NFIB: variants seen among roughly 807,000 people sequenced by gnomAD.
NFIB encodes nuclear factor I B, also known as nuclear factor 1 B-type.
Under a neutral mutation model 61.5 loss-of-function variants are expected in NFIB, and 11 were observed. The observed-to-expected ratio is 0.18, with a 90% CI of 0.11 to 0.30. NFIB has a LOEUF of 0.30. NFIB is among the 10% of genes least tolerant of loss of function. The pLI is 1.00. For missense variants in NFIB, 471 were observed against 608.9 expected, an observed-to-expected ratio of 0.77 and a Z score of 2.38; for synonymous variants, 260 against 216.5, an observed-to-expected ratio of 1.20 and a Z score of -1.76.
At chr9:14,473,461 T>C in the NFIB span, among the ~76,000 whole-genome samples, 2 of 152,248 alleles carry the variant, frequency 1.3e-5, no homozygotes, top group South Asian at 2.1e-4. Flanking sequence ...TTTGCAGATG[T>C]TGGTACTGTT....
intron 2 of NFIB, among the ~76,000 whole-genome samples, chr9:14,228,676 A>C (rs11788974): frequency 0.22 from 32,911 of 152,130 alleles, 4,387 homozygotes; most frequent in African/African-American, 0.37. Context: ...AAAATATTCT[A>C]ATGAAAAAGC....
intron 6 of NFIB, among the ~76,000 whole-genome samples, chr9:14,134,897 C>CA (rs57014530): frequency 0.027 from 1,686 of 62,346 alleles, 16 homozygotes; most frequent in Non-Finnish European, 0.035. Context: ...GACTCTGTCT[C>CA]AAAAAAAAAA....
chr9:14,398,428 G>C, intron 1 of NFIB: 1 of 860,088 alleles, frequency 1.2e-6, no homozygotes, highest in Non-Finnish European at 1.8e-6. Context: ...CTCTAGAGCA[G>C]CCATATTTTC....
intron 3 of NFIB, among the ~76,000 whole-genome samples, chr9:14,164,899 G>A (rs1563853415): frequency 6.6e-6 from 1 of 152,200 alleles, no homozygotes; most frequent in East Asian, 1.9e-4. Flanking sequence ...TCCCCCAAGT[G>A]ATTCAAATGT....
At chr9:14,379,589 T>G (rs1397204746) in intron 1 of NFIB, among the ~76,000 whole-genome samples, 3 of 152,354 alleles carry the variant, frequency 2.0e-5, no homozygotes, top group Admixed American at 1.3e-4. Flanking sequence ...ATCGTCACTT[T>G]GGCTCTGCAT....
At chr9:14,497,327 AAT>A in the NFIB span, among the ~76,000 whole-genome samples, 1 of 152,190 alleles carries the variant, frequency 6.6e-6, no homozygotes, top group African/African-American at 2.4e-5. Context: ...CATATGTGTA[AAT>A]AAAAGTTATT....
intron 2 of NFIB, among the ~76,000 whole-genome samples, chr9:14,237,693 T>C (rs1016147106): frequency 2.2e-4 from 34 of 152,176 alleles, no homozygotes; most frequent in African/African-American, 7.2e-4. Context: ...CTCTTGCCGA[T>C]CTACATTGTT....
chr9:14,088,154 T>TAA lies in NFIB; in HGVS notation c.*153_*154dup. ...CTTCCTCTTTTCCTTTTTTTTTATT[T>TAA]AAAAAAAAAATTTCTTAAACTATTG... On this transcript the variant is annotated 3_prime_UTR_variant, in exon 11 of 11. Coordinates refer to ENST00000380953, the MANE Select transcript of NFIB (RefSeq NM_001190737.2). The TAA allele has an allele frequency of 7.5e-7, 1 of 1,338,346 alleles. No homozygotes were observed. The highest frequency in any genetic ancestry group is 9.9e-7 in the Non-Finnish European group (1 of 1,015,162). 82.9% of individuals were successfully genotyped at this position (1,338,346 alleles called of 1,614,324 possible). A position where few individuals can be genotyped will look rare whatever the true frequency, so the allele number is the denominator to read the frequency against.
At chr9:14,429,522 A>C in the NFIB span, among the ~76,000 whole-genome samples, 1 of 152,234 alleles carries the variant, frequency 6.6e-6, no homozygotes. Context: ...AAGTGATAAC[A>C]TAACAGTTAG....
At chr9:14,250,374 G>C (rs891145677) in intron 2 of NFIB, among the ~76,000 whole-genome samples, 23 of 152,118 alleles carry the variant, frequency 1.5e-4, no homozygotes, top group African/African-American at 5.6e-4. Context: ...ATTTCTCAAA[G>C]GCAGCTTTTT....
At position 14,285,374 on chromosome 9, in the gene NFIB, G is replaced by A. The variant is rs773470913; in HGVS notation, c.562+21615C>T. 4.6e-5 allele frequency among the ~76,000 whole-genome samples: 7 copies of A among 152,094 alleles called. No individual in the cohort carries two copies. In the South Asian group the frequency reaches 6.2e-4, roughly 14 times the overall value. On this transcript the variant is annotated intron_variant, in intron 2 of 10. Transcript: ENST00000380953. ...CTGACCTCAGGTAATCCCCCACCTC[G>A]GCCTCCCAAAGTGCTGGGATTACAG...
intron 6 of NFIB, among the ~76,000 whole-genome samples, chr9:14,133,134 A>G (rs896837541): frequency 7.9e-5 from 12 of 152,184 alleles, no homozygotes; most frequent in African/African-American, 2.7e-4. Flanking sequence ...CATAATTTTC[A>G]AAGTTCTTCA....
At chr9:14,166,635 G>C (rs953179472) in intron 3 of NFIB, among the ~76,000 whole-genome samples, 1 of 152,050 alleles carries the variant, frequency 6.6e-6, no homozygotes, top group African/African-American at 2.4e-5. Context: ...TTCTCCATTT[G>C]TCTTTGATCC....
intron 8 of NFIB, 137 bp from the exon 9 acceptor site, chr9:14,116,483 G>A (rs1411618141): frequency 1.2e-6 from 1 of 862,012 alleles, no homozygotes; most frequent in Non-Finnish European, 1.6e-6. Flanking sequence ...TCGAGTCGGA[G>A]TCGGAGAGGC....
At chr9:14,278,516 C>G (rs185821755) in intron 2 of NFIB, among the ~76,000 whole-genome samples, 3 of 152,204 alleles carry the variant, frequency 2.0e-5, no homozygotes, top group Admixed American at 2.0e-4. Context: ...GACCATGTAT[C>G]CCCTCAGGCT....
chr9:14,321,114 G>C (rs1016019253), intron 1 of NFIB, among the ~76,000 whole-genome samples: 2 of 152,128 alleles, frequency 1.3e-5, no homozygotes, highest in Admixed American at 6.5e-5. Flanking sequence ...CAATCTGAAA[G>C]CTGCCAAGTC....
rs1228589594 is a variant in NFIB at position 14,225,456 on chromosome 9, C to CAAAAAAAA, written c.563-45684_563-45677dup. ...TGGGCGACAGAGCGAGACTCCGTCTCAAAAAAAAAAAAAAAAAAAAAAAAG... is the reference window on the plus strand; with the variant it reads ...TGGGCGACAGAGCGAGACTCCGTCTCAAAAAAAAAAAAAAAAAAAAAAAAAAAAAAAAG... On this transcript the variant is annotated intron_variant, in intron 2 of 10. Coordinates refer to ENST00000380953, the MANE Select transcript of NFIB (RefSeq NM_001190737.2). Among the ~76,000 whole-genome samples the CAAAAAAAA allele has an allele frequency of 2.3e-3, 135 of 57,984 alleles. 8 individuals carry two copies. The East Asian group carries it at 0.03, about 13-fold the overall frequency. The allele number at this position is 57,984 out of a possible 152,430, so 38.0% of individuals were successfully genotyped here. A position where few individuals can be genotyped will look rare whatever the true frequency, so the allele number is the denominator to read the frequency against.
chr9:14,095,029 C>T (rs1003919461), intron 10 of NFIB, among the ~76,000 whole-genome samples: 2 of 152,064 alleles, frequency 1.3e-5, no homozygotes, highest in Non-Finnish European at 2.9e-5. Flanking sequence ...AAAGCCACTC[C>T]ATATGGGAGC....
intron 2 of NFIB, among the ~76,000 whole-genome samples, chr9:14,209,005 G>A (rs1242600517): frequency 6.6e-6 from 1 of 152,150 alleles, no homozygotes; most frequent in East Asian, 1.9e-4. Flanking sequence ...TTTCTGATAA[G>A]TAGCATGTCA....
Sources: allele counts gnomAD v4.1 joint callset (sites outside exome capture counted in the v4.1 genomes callset), GRCh38; gene constraint gnomAD v4.1.1; transcripts MANE v1.5; gene names NCBI Gene and HGNC (gene_info 2026-07-23, HGNC 2026-07-21).